IQSEC1: variants seen among roughly 807,000 people sequenced by gnomAD.
IQSEC1 encodes the protein IQ motif and Sec7 domain ArfGEF 1, also known as IQ motif and SEC7 domain-containing protein 1.
IQSEC1 carries 31 observed loss-of-function variants against 91.0 expected under a neutral mutation model. The observed-to-expected ratio is 0.34, with a 90% CI of 0.26 to 0.46. IQSEC1 has a LOEUF of 0.46. Ranked by LOEUF, IQSEC1 falls within the 20% of genes least tolerant of loss-of-function variation. The probability of loss-of-function intolerance (pLI) is 1.00; values close to 1 mark genes in which losing one functional copy is unlikely to be tolerated. For missense variants in IQSEC1, 1,388 were observed against 1,575.6 expected, an observed-to-expected ratio of 0.88 and a Z score of 2.02; for synonymous variants, 699 against 662.6, an observed-to-expected ratio of 1.05 and a Z score of -0.84.
At chr3:13,276,229 C>A (rs1214511692) in intron 1 of IQSEC1, among the ~76,000 whole-genome samples, 3 of 151,762 alleles carry the variant, frequency 2.0e-5, no homozygotes. Flanking sequence ...GCTGGGACTA[C>A]AGGCGCCTGC....
chr3:12,935,638 T>C lies in IQSEC1; in HGVS notation c.1378A>G (p.Asn460Asp). The C allele has an allele frequency of 1.9e-6, 3 of 1,614,130 alleles. No individual in the cohort carries two copies. Among genetic ancestry groups the C allele is most frequent in the Non-Finnish European group, 2.5e-6 (3 of 1,180,044 alleles). The change falls in exon 3 of 14, where the codon AAC becomes GAC. Residue 460 changes from asparagine to aspartate, a missense_variant. Physicochemically the swap from Asn to Asp is conservative, Grantham distance 23 (BLOSUM62 1). Transcript: ENST00000613206. The surrounding 1 kb of genome is among the most constrained non-coding windows in gnomAD (Gnocchi z 8.0). Reference sequence around the variant, plus strand: ...GTATCGTTGGAGTTGGACGTGCTGTTGATGCTGTCATTGTCACCGTCTGAG... The same window carrying C: ...GTATCGTTGGAGTTGGACGTGCTGTCGATGCTGTCATTGTCACCGTCTGAG... ...DYSDGDNDSINSTSNSNDTIN... is the reference protein window; with the variant it reads ...DYSDGDNDSIDSTSNSNDTIN...
Position 12,900,289 on chromosome 3 carries a change from G to T in IQSEC1, c.*694C>A, listed in dbSNP as rs947724300. The T allele has an allele frequency of 3.0e-6, 3 of 984,678 alleles. No individual in the cohort carries two copies. The highest frequency in any genetic ancestry group is 3.6e-6 in the Non-Finnish European group (3 of 829,514). The allele number at this position is 984,678 out of a possible 1,614,324, so 61.0% of individuals were successfully genotyped here. On this transcript the variant is annotated 3_prime_UTR_variant, in exon 14 of 14. Transcript: ENST00000613206. Reference sequence around the variant, plus strand: ...GAGGGACTTCTTTGTATGAAAATATGAAGTATCTGAATTTGTTCCTAGCAT... The same window carrying T: ...GAGGGACTTCTTTGTATGAAAATATTAAGTATCTGAATTTGTTCCTAGCAT...
chr3:13,133,824 G>A (rs559997835), intron 2 of IQSEC1, among the ~76,000 whole-genome samples: 20 of 152,204 alleles, frequency 1.3e-4, no homozygotes, highest in Non-Finnish European at 2.1e-4. Flanking sequence ...GGGGCATGGA[G>A]CACGCTTAGC....
At position 13,248,925 on chromosome 3, in the gene IQSEC1, G is replaced by C. The variant is rs140733538; in HGVS notation, c.272+33786C>G. Among the ~76,000 whole-genome samples the C allele has an allele frequency of 9.0e-4, 96 of 106,156 alleles. 1 individual carries two copies. Among genetic ancestry groups the C allele is most frequent in the African/African-American group, 5.7e-3 (85 of 14,788 alleles). 69.6% of individuals were successfully genotyped at this position (106,156 alleles called of 152,430 possible). A position where few individuals can be genotyped will look rare whatever the true frequency, so the allele number is the denominator to read the frequency against. On this transcript the variant is annotated intron_variant, in intron 1 of 15. Transcript: ENST00000648114. ...GCTGCACAGACAGGTTAAGTCACTT[G>C]CCTAATGTCACAGAATTAATCAGTG...
intron 1 of IQSEC1, among the ~76,000 whole-genome samples, chr3:13,229,575 G>A (rs978385479): frequency 1.3e-5 from 2 of 152,220 alleles, no homozygotes; most frequent in African/African-American, 2.4e-5. Flanking sequence ...GTGGTGGGAG[G>A]AGGGGGGACC....
intron 2 of IQSEC1, among the ~76,000 whole-genome samples, chr3:13,123,801 C>A (rs942905676): frequency 1.3e-5 from 2 of 152,262 alleles, no homozygotes; most frequent in African/African-American, 4.8e-5. Flanking sequence ...CGCTGACCTG[C>A]AGCCTCCTGT....
At chr3:13,094,298 G>A (rs1434292178) in intron 2 of IQSEC1, among the ~76,000 whole-genome samples, 1 of 152,142 alleles carries the variant, frequency 6.6e-6, no homozygotes, top group Non-Finnish European at 1.5e-5. Context: ...AGTTAACACA[G>A]GAAGATGAGT....
At chr3:13,133,770 C>G (rs1706662764) in intron 2 of IQSEC1, among the ~76,000 whole-genome samples, 1 of 152,262 alleles carries the variant, frequency 6.6e-6, no homozygotes, top group Non-Finnish European at 1.5e-5. Context: ...CTGCTTGGCC[C>G]AGCCCAACGG....
At chr3:13,137,291 C>A (rs142331403) in intron 2 of IQSEC1, among the ~76,000 whole-genome samples, 1 of 152,236 alleles carries the variant, frequency 6.6e-6, no homozygotes, top group African/African-American at 2.4e-5. Flanking sequence ...CCAAACACGC[C>A]CTGACAGGAG....
intron 3 of IQSEC1, among the ~76,000 whole-genome samples, chr3:12,933,779 G>A (rs889622789): frequency 2.6e-5 from 4 of 152,360 alleles, no homozygotes; most frequent in African/African-American, 9.6e-5. Context: ...AGGAGAGACT[G>A]CAACATGCTG....
intron 1 of IQSEC1, among the ~76,000 whole-genome samples, chr3:13,176,711 G>A (rs769140748): frequency 7.2e-5 from 11 of 152,320 alleles, no homozygotes; most frequent in Admixed American, 2.0e-4. Context: ...AGGGACGACC[G>A]GAAACCCAGG....
chr3:13,121,106 C>T (rs1706416180), intron 2 of IQSEC1, among the ~76,000 whole-genome samples: 2 of 152,230 alleles, frequency 1.3e-5, no homozygotes, highest in African/African-American at 4.8e-5. Context: ...CTGACTATCA[C>T]AGTCGCTGCC....
rs781318118 is a variant in IQSEC1 at position 13,214,897 on chromosome 3, C to T, written c.273-50764G>A. Among the ~76,000 whole-genome samples, 9 of 152,194 alleles carry T rather than the reference C, an allele frequency of 5.9e-5. No homozygotes were observed. The highest frequency in any genetic ancestry group is 1.2e-4 in the Non-Finnish European group (8 of 68,042). The stretch of plus-strand genomic sequence containing the variant: ...ACGTCGGGCTCTGCTGAGCACTAGC[C>T]GAATGAACAGGCACCCGAGTGAACG... On this transcript the variant is annotated intron_variant, in intron 1 of 15. Transcript: ENST00000648114. This position sits in a 1 kb window ranked among gnomAD's most constrained non-coding sequence, Gnocchi z 4.5.
intron 1 of IQSEC1, among the ~76,000 whole-genome samples, chr3:13,043,838 A>T (rs1478870385): frequency 1.3e-5 from 2 of 152,132 alleles, no homozygotes; most frequent in African/African-American, 4.8e-5. Flanking sequence ...ACAACCCGAC[A>T]TCGTTTGCAA....
At position 12,992,021 on chromosome 3, in the gene IQSEC1, C is replaced by T. The variant is rs935955991; in HGVS notation, c.24-50156G>A. Among the ~76,000 whole-genome samples the T allele has an allele frequency of 2.6e-5, 4 of 152,160 alleles. No individual in the cohort carries two copies. The highest frequency in any genetic ancestry group is 5.9e-5 in the Non-Finnish European group (4 of 68,030). ...GTTTGCAAACCGTGCAGGAGACAGT[C>T]CCCTGCAGAGGTGAGCACAGGCCCC... On this transcript the variant is annotated intron_variant, in intron 1 of 13. Coordinates refer to ENST00000613206, the MANE Select transcript of IQSEC1 (RefSeq NM_001134382.3). The surrounding 1 kb of genome is among the most constrained non-coding windows in gnomAD (Gnocchi z 4.1).
intron 2 of IQSEC1, among the ~76,000 whole-genome samples, chr3:12,938,875 A>T (rs1698486954): frequency 6.6e-6 from 1 of 152,110 alleles, no homozygotes; most frequent in Non-Finnish European, 1.5e-5. Flanking sequence ...TGGGCTCTGC[A>T]TTTGTTCACC....
rs1352635684 is a variant in IQSEC1 at position 13,282,766 on chromosome 3, C to T, written c.217G>A (p.Gly73Ser). The change falls in exon 1 of 16, where the codon GGC (glycine) becomes AGC (serine). Residue 73 changes from glycine (G) to serine (S), a missense_variant. Coordinates refer to the IQSEC1 transcript ENST00000648114. The surrounding 1 kb of genome is among the most constrained non-coding windows in gnomAD (Gnocchi z 6.4). ...GCGCCGAGCGGCTGCGGGCCGGGGC[C>T]GGGGCCCGGGTCGGGGCGGCGGGCG... Among the ~76,000 whole-genome samples, 5 of 148,724 alleles carry T rather than the reference C, an allele frequency of 3.4e-5. No homozygotes were observed. The highest frequency in any genetic ancestry group is 6.7e-5 in the Admixed American group (1 of 15,010).
At chr3:12,930,251 T>A (rs757221505) in intron 3 of IQSEC1, among the ~76,000 whole-genome samples, 3 of 152,198 alleles carry the variant, frequency 2.0e-5, no homozygotes, top group Non-Finnish European at 2.9e-5. Context: ...TAGTTTCAAG[T>A]GATCCTCCCG....
At position 12,902,952 on chromosome 3, in the gene IQSEC1, G is replaced by GC. The variant is rs1694533068; in HGVS notation, c.2756-131dup. 10 of 722,958 alleles carry GC rather than the reference G, an allele frequency of 1.4e-5. No individual in the cohort carries two copies. The East Asian group carries it at 2.7e-4, about 19-fold the overall frequency. 44.8% of individuals were successfully genotyped at this position (722,958 alleles called of 1,614,324 possible). On this transcript the variant is annotated intron_variant, in intron 12 of 13. Coordinates refer to ENST00000613206, the MANE Select transcript of IQSEC1 (RefSeq NM_001134382.3). Reference sequence around the variant, plus strand: ...GCAGGCACAGGTGCCGGGCCCACCTGCCCGCAGGAGCCAGGTGTGAGGGGT... The same window carrying GC: ...GCAGGCACAGGTGCCGGGCCCACCTGCCCCGCAGGAGCCAGGTGTGAGGGGT...
Sources: allele counts gnomAD v4.1 joint callset (sites outside exome capture counted in the v4.1 genomes callset), GRCh38; gene constraint gnomAD v4.1.1; non-coding constraint Gnocchi (gnomAD v3.1); transcripts MANE v1.5; gene names NCBI Gene and HGNC (gene_info 2026-07-23, HGNC 2026-07-21).